Variants in SLX4IP observed in about 807,000 individuals in gnomAD.
SLX4IP encodes protein SLX4IP.
SLX4IP carries 34 observed loss-of-function variants against 32.9 expected under a neutral mutation model. That is an observed-to-expected ratio of 1.03 (90% CI 0.79 to 1.38). The LOEUF (loss-of-function observed/expected upper bound fraction) is 1.38, where lower values mean the gene tolerates loss of function less well. Among genes scored for constraint, SLX4IP ranks in the 40% most tolerant of loss-of-function variants. The probability of loss-of-function intolerance (pLI) is 0.00; values close to 1 mark genes in which losing one functional copy is unlikely to be tolerated. For synonymous variants in SLX4IP, 172 were observed against 171.7 expected (o/e 1.00, Z -0.01); for missense variants, 444 against 479.0 (o/e 0.93, Z 0.68).
intron 2 of SLX4IP, among the ~76,000 whole-genome samples, chr20:10,507,059 C>A (rs2065765935): frequency 6.6e-6 from 1 of 152,104 alleles, no homozygotes; most frequent in Non-Finnish European, 1.5e-5. Context: ...ACTCTCTGGG[C>A]AAATCTCAAG....
intron 4 of SLX4IP, among the ~76,000 whole-genome samples, chr20:10,573,475 T>TA (rs1328835819): frequency 1.3e-5 from 2 of 152,214 alleles, no homozygotes; most frequent in East Asian, 3.8e-4. Context: ...AGTCAGTTAT[T>TA]ACAATGGGCA....
intron 1 of SLX4IP, among the ~76,000 whole-genome samples, chr20:10,457,619 G>A (rs931424250): frequency 2.6e-5 from 4 of 151,886 alleles, no homozygotes; most frequent in Admixed American, 2.0e-4. Context: ...CTAGTATTTT[G>A]TTGAGAATTT....
At chr20:10,522,111 T>G (rs988472610) in intron 2 of SLX4IP, among the ~76,000 whole-genome samples, 2 of 152,208 alleles carry the variant, frequency 1.3e-5, no homozygotes, top group African/African-American at 4.8e-5. Context: ...TTGAAGAGAT[T>G]TGCATGTGTT....
chr20:10,599,873 G>A (rs560494206), intron 5 of SLX4IP, among the ~76,000 whole-genome samples: 11 of 152,300 alleles, frequency 7.2e-5, no homozygotes, highest in Non-Finnish European at 2.9e-5. Context: ...AAAGGGTACA[G>A]AAGTTGCTTT....
intron 2 of SLX4IP, among the ~76,000 whole-genome samples, chr20:10,474,767 G>A (rs765321206): frequency 8.5e-5 from 13 of 152,144 alleles, no homozygotes; most frequent in East Asian, 1.9e-4. Flanking sequence ...CCATCTAATC[G>A]GGGCTGCTGA....
At chr20:10,491,511 A>C (rs552773254) in intron 2 of SLX4IP, among the ~76,000 whole-genome samples, 1 of 152,344 alleles carries the variant, frequency 6.6e-6, no homozygotes, top group East Asian at 1.9e-4. Context: ...CTGCACAACT[A>C]GAGAATGTTC....
At chr20:10,443,949 C>T (rs555510872) in intron 1 of SLX4IP, among the ~76,000 whole-genome samples, 2 of 152,276 alleles carry the variant, frequency 1.3e-5, no homozygotes, top group Admixed American at 6.5e-5. Context: ...CCTCCCCAGC[C>T]ATGCTTCCTG....
chr20:10,511,266 C>T (rs2065806175), intron 2 of SLX4IP, among the ~76,000 whole-genome samples: 3 of 152,210 alleles, frequency 2.0e-5, no homozygotes, highest in Non-Finnish European at 4.4e-5. Flanking sequence ...GTTCCCAAAG[C>T]TTTCTTCATC....
At chr20:10,591,129 CT>C (rs2066704450) in intron 4 of SLX4IP, among the ~76,000 whole-genome samples, 1 of 152,186 alleles carries the variant, frequency 6.6e-6, no homozygotes, top group Non-Finnish European at 1.5e-5. Context: ...GAACCCAACC[CT>C]TTTCCTGTTA....
At chr20:10,449,911 C>T (rs1180142173) in intron 1 of SLX4IP, among the ~76,000 whole-genome samples, 1 of 151,564 alleles carries the variant, frequency 6.6e-6, no homozygotes, top group Non-Finnish European at 1.5e-5. Flanking sequence ...AATTCAGAAT[C>T]TACATCGTAA....
chr20:10,436,555 C>T (rs2065117347), intron 1 of SLX4IP, among the ~76,000 whole-genome samples: 1 of 152,132 alleles, frequency 6.6e-6, no homozygotes, highest in African/African-American at 2.4e-5. Context: ...CAGGGTTCGC[C>T]ATGTTGGCCG....
intron 2 of SLX4IP, among the ~76,000 whole-genome samples, chr20:10,518,422 T>TCCTC (rs2065870063): frequency 9.5e-6 from 1 of 104,872 alleles, no homozygotes; most frequent in African/African-American, 3.4e-5. Context: ...CTTCCTTCCT[T>TCCTC]CCCTCCCTCC....
In SLX4IP at chr20:10,627,632, C is replaced by T. The variant is rs899734512; in HGVS notation, c.*4253C>T. ...TTATCTTTAATTATCTAGAGCTACC[C>T]AGTACTGGGCTTGAATTTAATCATA... On this transcript the variant is annotated 3_prime_UTR_variant, in exon 8 of 8. Coordinates refer to ENST00000334534, the MANE Select transcript of SLX4IP (RefSeq NM_001009608.3). 2 of 152,200 alleles carry T rather than the reference C, an allele frequency of 1.3e-5. No homozygotes were observed. Among genetic ancestry groups the T allele is most frequent in the Non-Finnish European group, 2.9e-5 (2 of 68,040 alleles). The allele number at this position is 152,200 out of a possible 1,614,324, so 9.4% of individuals were successfully genotyped here.
chr20:10,604,091 G>T (rs4277587), intron 6 of SLX4IP, among the ~76,000 whole-genome samples: 3 of 152,014 alleles, frequency 2.0e-5, no homozygotes, highest in Admixed American at 2.0e-4. Flanking sequence ...CCCTGGACTT[G>T]CTTCAAGCTT....
chr20:10,474,700 T>C (rs1294600270), intron 2 of SLX4IP, among the ~76,000 whole-genome samples: 2 of 152,236 alleles, frequency 1.3e-5, no homozygotes, highest in African/African-American at 4.8e-5. Flanking sequence ...ACTTCCTTTT[T>C]TTCCCTCCCT....
intron 4 of SLX4IP, among the ~76,000 whole-genome samples, chr20:10,581,111 A>G (rs796457559): frequency 2.0e-5 from 3 of 152,188 alleles, no homozygotes; most frequent in African/African-American, 7.2e-5. Flanking sequence ...GACTTGCTCT[A>G]ATGCATGGGG....
chr20:10,564,429 TAA>T (rs1160658812), intron 4 of SLX4IP, among the ~76,000 whole-genome samples: 1 of 152,236 alleles, frequency 6.6e-6, no homozygotes, highest in Non-Finnish European at 1.5e-5. Flanking sequence ...TGCTTTTGTG[TAA>T]ATTGGATATC....
At chr20:10,475,739 A>C (rs1389309281) in intron 2 of SLX4IP, among the ~76,000 whole-genome samples, 1 of 152,204 alleles carries the variant, frequency 6.6e-6, no homozygotes, top group African/African-American at 2.4e-5. Context: ...ATTTGGGCAG[A>C]TGTCCACTTT....
Position 10,622,957 on chromosome 20 carries a change from A to G in SLX4IP, c.805A>G (p.Ser269Gly). The stretch of plus-strand genomic sequence containing the variant: ...GGAGCGGTTAAAGACAGGGCTTCTA[A>G]GCAGGAGCCCCGTCTGTAGCTGTGA... Reference protein sequence around the residue: ...PGERLKTGLLSRSPVCSCESA... With the variant: ...PGERLKTGLLGRSPVCSCESA... Residue 269 changes from serine to glycine, a missense_variant, in exon 8 of 8, where the codon AGC (serine) becomes GGC (glycine). By Grantham distance (56) the Ser-to-Gly change is moderately conservative. Transcript: ENST00000334534. 6.2e-7 allele frequency: 1 copy of G among 1,614,198 alleles called. No homozygotes were observed. The highest frequency in any genetic ancestry group is 8.5e-7 in the Non-Finnish European group (1 of 1,180,034).
Sources: gnomAD v4.1 joint callset for allele counts (sites outside exome capture counted in the v4.1 genomes callset) on GRCh38, gnomAD v4.1.1 for gene constraint, MANE v1.5 for transcripts, NCBI Gene and HGNC (gene_info 2026-07-23, HGNC 2026-07-21) for gene names.